Variants in NAV3 observed in about 807,000 individuals in gnomAD.
NAV3 encodes the protein pore membrane and/or filament interacting like protein 1.
In NAV3, 87 loss-of-function variants were observed where a neutral mutation model predicts 244.7. That is an observed-to-expected ratio of 0.36 (90% CI 0.30 to 0.42). NAV3 has a LOEUF of 0.42. Among genes scored for constraint, NAV3 ranks in the 20% least tolerant of loss-of-function variants. NAV3 has a pLI of 1.00. For synonymous variants in NAV3, 1,126 were observed against 1,042.2 expected, an observed-to-expected ratio of 1.08 and a Z score of -1.55; for missense variants, 2,663 against 2,893.3, an observed-to-expected ratio of 0.92 and a Z score of 1.83.
chr12:77,735,196 A>G (rs1877285920), intron 2 of NAV3, among the ~76,000 whole-genome samples: 1 of 152,116 alleles, frequency 6.6e-6, no homozygotes, highest in South Asian at 2.1e-4. Context: ...AAATCTTGAC[A>G]GGATATTTTA....
intron 12 of NAV3, among the ~76,000 whole-genome samples, chr12:78,060,179 T>C (rs1236317504): frequency 6.6e-6 from 1 of 152,192 alleles, no homozygotes; most frequent in Admixed American, 6.5e-5. Flanking sequence ...TTATTATATC[T>C]AAATACCTAG....
intron 9 of NAV3, among the ~76,000 whole-genome samples, chr12:78,031,841 T>C (rs984288513): frequency 1.3e-5 from 2 of 151,528 alleles, no homozygotes; most frequent in African/African-American, 4.8e-5. Flanking sequence ...CATATGTAAC[T>C]AACCTGCACA....
At chr12:77,672,989 T>C (rs1874053880) in intron 2 of NAV3, among the ~76,000 whole-genome samples, 1 of 152,168 alleles carries the variant, frequency 6.6e-6, no homozygotes, top group South Asian at 2.1e-4. Context: ...TTTCTCCACT[T>C]TTTTCGTGAT....
intron 2 of NAV3, among the ~76,000 whole-genome samples, chr12:77,710,889 C>G (rs553397671): frequency 7.6e-4 from 116 of 152,130 alleles, no homozygotes; most frequent in South Asian, 1.7e-3. Flanking sequence ...TTGGCAGCTA[C>G]TTTTTAACAT....
At chr12:78,141,349 G>A (rs754977803) in intron 20 of NAV3, among the ~76,000 whole-genome samples, 8 of 152,128 alleles carry the variant, frequency 5.3e-5, no homozygotes, top group Non-Finnish European at 8.8e-5. Flanking sequence ...TATTTTATGA[G>A]TGAGTCTTTT....
chr12:77,639,579 A>C lies in NAV3; in HGVS notation c.72+67313A>C, dbSNP rs527909548. Among the ~76,000 whole-genome samples, 156 of 152,268 alleles carry C rather than the reference A, an allele frequency of 1.0e-3. 1 individual carries two copies. The highest frequency in any genetic ancestry group is 3.2e-3 in the African/African-American group (133 of 41,572). ...GTGGTTGGCTCATGCTGCAAAGTTG[A>C]TGTGAAGGAGAATAATTAAGGTACA... On this transcript the variant is annotated intron_variant, in intron 2 of 8. Transcript: ENST00000550042.
intron 7 of NAV3, among the ~76,000 whole-genome samples, chr12:78,000,972 G>C (rs1428566420): frequency 6.7e-5 from 1 of 14,828 alleles, no homozygotes; most frequent in Non-Finnish European, 1.6e-4. Context: ...AGCGAGACTG[G>C]GTCTAAAAAA....
intron 34 of NAV3, among the ~76,000 whole-genome samples, chr12:78,196,541 C>T (rs1355669399): frequency 1.3e-5 from 2 of 151,944 alleles, no homozygotes; most frequent in African/African-American, 4.8e-5. Flanking sequence ...TGTTCCTGGC[C>T]TACCCATCTG....
chr12:77,622,280 C>A (rs1871406759), intron 2 of NAV3, among the ~76,000 whole-genome samples: 1 of 152,124 alleles, frequency 6.6e-6, no homozygotes, highest in South Asian at 2.1e-4. Context: ...CTGCCTCAGC[C>A]TCCCGAGTAG....
chr12:78,202,370 A>G (rs1959803044), intron 38 of NAV3, among the ~76,000 whole-genome samples: 1 of 152,222 alleles, frequency 6.6e-6, no homozygotes, highest in South Asian at 2.1e-4. Flanking sequence ...CTCATTTAAT[A>G]TTTGTTTACT....
intron 2 of NAV3, among the ~76,000 whole-genome samples, chr12:77,765,670 G>A (rs914553009): frequency 6.6e-6 from 1 of 152,140 alleles, no homozygotes. Flanking sequence ...GAGTTCATGT[G>A]GGGGATGGTG....
chr12:78,059,922 G>T (rs1326827642), intron 12 of NAV3, among the ~76,000 whole-genome samples: 1 of 150,936 alleles, frequency 6.6e-6, no homozygotes, highest in African/African-American at 2.4e-5. Context: ...CTTACTTTAG[G>T]CTTATTTTTG....
chr12:77,812,462 G>A (rs1565823463), intron 2 of NAV3, among the ~76,000 whole-genome samples: 1 of 151,634 alleles, frequency 6.6e-6, no homozygotes, highest in Non-Finnish European at 1.5e-5. Context: ...CCAGGCTGGA[G>A]TGCAGTGTGG....
At chr12:77,967,987 G>A (rs1002102024) in intron 4 of NAV3, among the ~76,000 whole-genome samples, 4 of 152,128 alleles carry the variant, frequency 2.6e-5, no homozygotes, top group African/African-American at 9.7e-5. Context: ...ACATAAATAT[G>A]TATAAATGAG....
intron 12 of NAV3, among the ~76,000 whole-genome samples, chr12:78,090,203 ATG>A (rs1953852595): frequency 6.8e-6 from 1 of 147,578 alleles, no homozygotes; most frequent in South Asian, 2.1e-4. Flanking sequence ...ATATATATAT[ATG>A]GTTGAATTAT....
chr12:77,618,723 A>G (rs1208744646), intron 2 of NAV3, among the ~76,000 whole-genome samples: 2 of 152,206 alleles, frequency 1.3e-5, no homozygotes, highest in Admixed American at 6.5e-5. Context: ...TCAGTATTTT[A>G]TAGAATGTAT....
At chr12:78,027,637 A>C (rs1878288459) in intron 9 of NAV3, among the ~76,000 whole-genome samples, 1 of 152,198 alleles carries the variant, frequency 6.6e-6, no homozygotes. Context: ...TGCACAACAC[A>C]GTTTATTCAG....
chr12:77,878,494 G>A (rs1178191242), intron 1 of NAV3, among the ~76,000 whole-genome samples: 1 of 152,028 alleles, frequency 6.6e-6, no homozygotes, highest in Admixed American at 6.6e-5. Flanking sequence ...CTCCCAAAGT[G>A]CTGGGGTTAC....
At chr12:78,157,059 A>C (rs1470793969) in intron 22 of NAV3, among the ~76,000 whole-genome samples, 2 of 152,152 alleles carry the variant, frequency 1.3e-5, no homozygotes, top group Non-Finnish European at 2.9e-5. Context: ...TAATTACCAC[A>C]GAAGTTATGT....
Sources: allele counts gnomAD v4.1 joint callset (sites outside exome capture counted in the v4.1 genomes callset), GRCh38; gene constraint gnomAD v4.1.1; transcripts MANE v1.5; gene names NCBI Gene and HGNC (gene_info 2026-07-23, HGNC 2026-07-21).